CTNS: variants seen among roughly 807,000 people sequenced by gnomAD.
CTNS encodes cystinosin, lysosomal cystine transporter.
In CTNS, 27 loss-of-function variants were observed where a neutral mutation model predicts 43.7. The ratio of observed to expected loss-of-function variants is 0.62; its 90% CI spans 0.46 to 0.85. The LOEUF is 0.85. Among genes scored for constraint, CTNS ranks in the 40% least tolerant of loss-of-function variants. CTNS has a pLI of 0.00. For synonymous variants in CTNS, 187 were observed against 190.6 expected (o/e 0.98, Z 0.16); for missense variants, 457 against 475.4 (o/e 0.96, Z 0.36).
At chr17:3,656,416 C>T in intron 7 of CTNS, 71 bp from the exon 8 acceptor site, 1 of 518,288 alleles carries the variant, frequency 1.9e-6, no homozygotes, top group Admixed American at 3.2e-5. Context: ...CCAGTCCTCA[C>T]CCTCTGCCCT....
chr17:3,655,158 C>T, intron 6 of CTNS, 57 bp downstream of exon 6: 2 of 1,614,134 alleles, frequency 1.2e-6, no homozygotes, highest in South Asian at 1.1e-5. Flanking sequence ...CCGTGCTGGG[C>T]ACGTGGGAGT....
chr17:3,658,422 G>A (rs1352223218), intron 10 of CTNS, among the ~76,000 whole-genome samples: 1 of 152,216 alleles, frequency 6.6e-6, no homozygotes, highest in Non-Finnish European at 1.5e-5. Context: ...AGCATCAGGT[G>A]TGCGGGTGGT....
At position 3,658,052 on chromosome 17, in the gene CTNS, C is replaced by G. The variant is rs762142619; in HGVS notation, c.729C>G (p.Leu243=). 6.2e-7 allele frequency: 1 copy of G among 1,611,872 alleles called. No homozygotes were observed. Among genetic ancestry groups the G allele is most frequent in the Non-Finnish European group, 8.5e-7 (1 of 1,179,984 alleles). ...GGCCTGCCATCGGCTTCCTGGTGCT[C>G]GCGTGGCTCTTCGCATTTGTCACCA... ...VSWPAIGFLV[L]AWLFAFVTMI... is the part of the protein sequence containing the mutation. The change falls in exon 10 of 12, where the codon CTC becomes CTG. Residue 243 remains leucine (L), a synonymous_variant. Coordinates refer to ENST00000046640, the MANE Select transcript of CTNS (RefSeq NM_004937.3).
At chr17:3,652,291 G>GTATAAAATGTC (rs2076006184) in intron 5 of CTNS, among the ~76,000 whole-genome samples, 1 of 152,120 alleles carries the variant, frequency 6.6e-6, no homozygotes, top group African/African-American at 2.4e-5. Context: ...GCACAAACAA[G>GTATAAAATGTC]TATAAAATGT....
intron 3 of CTNS, among the ~76,000 whole-genome samples, chr17:3,643,779 T>C (rs2075777345): frequency 1.3e-5 from 2 of 152,208 alleles, no homozygotes; most frequent in African/African-American, 4.8e-5. Context: ...GTTGGCCAGG[T>C]TGGTCTCAAA....
Position 3,659,967 on chromosome 17 carries a change from A to G in CTNS, c.962A>G (p.Tyr321Cys), listed in dbSNP as rs1339066152. 1.2e-6 allele frequency: 2 copies of G among 1,612,814 alleles called. No individual in the cohort carries two copies. Among genetic ancestry groups the G allele is most frequent in the Non-Finnish European group, 1.7e-6 (2 of 1,179,336 alleles). The change falls in exon 11 of 12, where the codon TAC (tyrosine) becomes TGC (cysteine). Residue 321 changes from tyrosine (Y) to cysteine (C), a missense_variant. Coordinates refer to ENST00000046640, the MANE Select transcript of CTNS (RefSeq NM_004937.3). ...CTCCTGCAGATGTTCCTCCAGTCCT[A>G]CAACAACGGTGAGTCAGCCAGCGGG... ...FSLLQMFLQS[Y>C]NNDQWTLIFG...
chr17:3,647,716 G>A (rs2150905108), intron 4 of CTNS, 194 bp downstream of exon 4: 1 of 627,252 alleles, frequency 1.6e-6, no homozygotes, highest in South Asian at 1.8e-5. Flanking sequence ...CCCCCACCCT[G>A]AGTCCTCACT....
intron 3 of CTNS, among the ~76,000 whole-genome samples, chr17:3,641,385 T>TATATATATATATATA (rs57286057): frequency 1.6e-3 from 65 of 41,888 alleles, no homozygotes; most frequent in East Asian, 6.4e-3. Flanking sequence ...TATATATATA[T>TATATATATATATATA]TTTTTTTTTT....
Position 3,660,230 on chromosome 17 carries a change from T to TAACA in CTNS, c.971-5_971-2dup. The TAACA allele has an allele frequency of 6.2e-7, 1 of 1,614,206 alleles. No individual in the cohort carries two copies. The highest frequency in any genetic ancestry group is 8.5e-7 in the Non-Finnish European group (1 of 1,180,034). On this transcript the variant is annotated splice_polypyrimidine_tract_variant and splice_region_variant and intron_variant, in intron 11 of 11. Transcript: ENST00000046640. ...ACACCAGCTTCTGTCCCCCGGCTGC[T>TAACA]AACAGACCAGTGGACGCTGATCTTC...
At chr17:3,653,942 A>G (rs2076056572) in intron 5 of CTNS, among the ~76,000 whole-genome samples, 1 of 152,046 alleles carries the variant, frequency 6.6e-6, no homozygotes, top group Non-Finnish European at 1.5e-5. Context: ...GCCTCCGGGT[A>G]CTTTCCTTGA....
intron 5 of CTNS, chr17:3,650,373 T>C: frequency 6.5e-7 from 1 of 1,539,030 alleles, no homozygotes; most frequent in Non-Finnish European, 8.8e-7. Flanking sequence ...TCCCAGCTAC[T>C]TGGGAGGCTG....
At chr17:3,644,958 C>G (rs768144505) in intron 3 of CTNS, among the ~76,000 whole-genome samples, 10 of 150,960 alleles carry the variant, frequency 6.6e-5, no homozygotes, top group Non-Finnish European at 1.2e-4. Context: ...ATCTCCCACT[C>G]ACCTTGACCT....
In CTNS at chr17:3,640,417, G is replaced by A; in HGVS notation, c.61+150G>A. On this transcript the variant is annotated intron_variant, in intron 3 of 11. Coordinates refer to ENST00000046640, the MANE Select transcript of CTNS (RefSeq NM_004937.3). ...TGGCCATGTGGCCACTGGGGTGGTG[G>A]AGCAGACCCAGGTCTGGGATCCAGG... The A allele has an allele frequency of 4.5e-6, 4 of 896,366 alleles. No individual in the cohort carries two copies. The South Asian group carries it at 5.3e-5, about 12-fold the overall frequency. The allele number at this position is 896,366 out of a possible 1,614,324, so 55.5% of individuals were successfully genotyped here. A position where few individuals can be genotyped will look rare whatever the true frequency, so the allele number is the denominator to read the frequency against.
Position 3,640,206 on chromosome 17 carries a change from C to G in CTNS, c.-1C>G. 6.2e-7 allele frequency: 1 copy of G among 1,613,800 alleles called. No homozygotes were observed. The highest frequency in any genetic ancestry group is 1.3e-5 in the African/African-American group (1 of 75,046). ...TTCCTAGTTCTGAGAAATCGAGAAA[C>G]ATGATAAGGAATTGGCTGACTATTT... is the stretch of plus-strand genomic sequence containing the variant. On this transcript the variant is annotated 5_prime_UTR_variant, in exon 3 of 12. Coordinates refer to ENST00000046640, the MANE Select transcript of CTNS (RefSeq NM_004937.3).
intron 3 of CTNS, among the ~76,000 whole-genome samples, chr17:3,642,077 G>GTGTGTA (rs1289360638): frequency 6.7e-6 from 1 of 149,008 alleles, no homozygotes; most frequent in African/African-American, 2.5e-5. Context: ...GTGTGTGTGT[G>GTGTGTA]TGTGTGCCTG....
chr17:3,643,627 C>T (rs185693460), intron 3 of CTNS, among the ~76,000 whole-genome samples: 28 of 152,126 alleles, frequency 1.8e-4, no homozygotes, highest in African/African-American at 6.0e-4. Flanking sequence ...TGCAATGTGG[C>T]GTGATCTCAG....
chr17:3,648,823 T>C lies in CTNS; in HGVS notation c.141-24T>C. On this transcript the variant is annotated intron_variant, in intron 4 of 11. Coordinates refer to ENST00000046640, the MANE Select transcript of CTNS (RefSeq NM_004937.3). ...ATCTCACTGTCCAGCTTCTCAGCAGTAATTAGACTCTTGTCCTCCACAGGC... is the reference window on the plus strand; with the variant it reads ...ATCTCACTGTCCAGCTTCTCAGCAGCAATTAGACTCTTGTCCTCCACAGGC... 1 of 1,584,494 alleles carries C rather than the reference T, an allele frequency of 6.3e-7. No individual in the cohort carries two copies. Among genetic ancestry groups the C allele is most frequent in the Non-Finnish European group, 8.7e-7 (1 of 1,152,892 alleles).
chr17:3,660,129 G>A, intron 11 of CTNS, 107 bp from the exon 12 acceptor site: 1 of 1,537,608 alleles, frequency 6.5e-7, no homozygotes, highest in Non-Finnish European at 9.0e-7. Flanking sequence ...TTCGTAGCTG[G>A]AGGCTTTGTG....
chr17:3,660,283 G>T lies in CTNS; in HGVS notation c.1018G>T (p.Val340Phe). 6.2e-7 allele frequency: 1 copy of T among 1,614,254 alleles called. No homozygotes were observed. Among genetic ancestry groups the T allele is most frequent in the Non-Finnish European group, 8.5e-7 (1 of 1,180,044 alleles). The change falls in exon 12 of 12, where the codon GTC (valine) becomes TTC (phenylalanine). Residue 340 changes from valine to phenylalanine, a missense_variant. Coordinates refer to ENST00000046640, the MANE Select transcript of CTNS (RefSeq NM_004937.3). Reference sequence around the variant, plus strand: ...AGACCCAACCAAGTTTGGACTCGGGGTCTTCTCCATCGTCTTCGACGTCGT... The same window carrying T: ...AGACCCAACCAAGTTTGGACTCGGGTTCTTCTCCATCGTCTTCGACGTCGT... ...FGDPTKFGLG[V>F]FSIVFDVVFF...
Sources: allele counts gnomAD v4.1 joint callset (sites outside exome capture counted in the v4.1 genomes callset), GRCh38; gene constraint gnomAD v4.1.1; transcripts MANE v1.5; gene names NCBI Gene and HGNC (gene_info 2026-07-23, HGNC 2026-07-21).